RAB3C: variants seen among roughly 807,000 people sequenced by gnomAD.
RAB3C encodes RAB3C, member RAS oncogene family.
RAB3C carries 17 observed loss-of-function variants against 26.4 expected under a neutral mutation model. That is an observed-to-expected ratio of 0.64 (90% CI 0.44 to 0.97). The LOEUF is 0.97. RAB3C is among the 50% of genes least tolerant of loss of function. RAB3C has a pLI of 0.00. For synonymous variants in RAB3C, 91 were observed against 95.9 expected, an observed-to-expected ratio of 0.95 and a Z score of 0.30; for missense variants, 242 against 281.9, an observed-to-expected ratio of 0.86 and a Z score of 1.01.
intron 1 of RAB3C, among the ~76,000 whole-genome samples, chr5:58,597,031 T>C (rs1193041918): frequency 1.2e-5 from 1 of 81,620 alleles, no homozygotes; most frequent in Non-Finnish European, 2.2e-5. Flanking sequence ...ATATAATACA[T>C]AATATATATT....
At chr5:58,810,959 T>C (rs1220119442) in intron 3 of RAB3C, among the ~76,000 whole-genome samples, 1 of 152,190 alleles carries the variant, frequency 6.6e-6, no homozygotes, top group Non-Finnish European at 1.5e-5. Context: ...GGCACAACCA[T>C]GGCCTTGTCA....
intron 2 of RAB3C, among the ~76,000 whole-genome samples, chr5:58,670,270 A>G (rs145793834): frequency 7.2e-5 from 11 of 152,168 alleles, no homozygotes; most frequent in Admixed American, 4.6e-4. Flanking sequence ...CTTCTATTCT[A>G]TGCCTACATA....
At chr5:58,822,636 C>A in intron 3 of RAB3C, 1 of 329,406 alleles carries the variant, frequency 3.0e-6, no homozygotes, top group Non-Finnish European at 5.9e-6. Context: ...ATAAATACAA[C>A]ACACTCAAAT....
chr5:58,784,841 A>C (rs441311), intron 3 of RAB3C: 119,277 of 152,190 alleles, frequency 0.78, 46,898 homozygotes, highest in African/African-American at 0.83. Context: ...CAGACCTCAG[A>C]TCTAAAGGAA....
intron 2 of RAB3C, among the ~76,000 whole-genome samples, chr5:58,648,499 A>G (rs2111781350): frequency 6.6e-6 from 1 of 152,344 alleles, no homozygotes; most frequent in East Asian, 1.9e-4. Context: ...GTAAAGGGAA[A>G]TCATGCTTCA....
chr5:58,728,241 G>A (rs1280285683), intron 3 of RAB3C, among the ~76,000 whole-genome samples: 1 of 151,948 alleles, frequency 6.6e-6, no homozygotes, highest in Non-Finnish European at 1.5e-5. Flanking sequence ...CAGACATAGC[G>A]TTTAGTACCT....
chr5:58,666,365 A>G (rs159007), intron 2 of RAB3C, among the ~76,000 whole-genome samples: 80,290 of 152,020 alleles, frequency 0.53, 21,409 homozygotes, highest in East Asian at 0.57. Flanking sequence ...GTATGAGTGG[A>G]TAGCTTGAAG....
rs527745721 is a variant in RAB3C at position 58,736,759 on chromosome 5, G to A, written c.371+10639G>A. The stretch of plus-strand genomic sequence containing the variant: ...AAAGACTATTTCCAAATAAGGTCAC[G>A]TTCACCGGTCCTGGGGTTATAACGT... On this transcript the variant is annotated intron_variant, in intron 3 of 4. Coordinates refer to ENST00000282878, the MANE Select transcript of RAB3C (RefSeq NM_138453.4). 5.9e-5 allele frequency among the ~76,000 whole-genome samples: 9 copies of A among 152,202 alleles called. No homozygotes were observed. In the East Asian group the frequency reaches 7.7e-4, roughly 13 times the overall value.
At chr5:58,638,957 T>G (rs1480182897) in intron 2 of RAB3C, among the ~76,000 whole-genome samples, 1 of 152,146 alleles carries the variant, frequency 6.6e-6, no homozygotes, top group African/African-American at 2.4e-5. Flanking sequence ...ATGCCTGCCT[T>G]ACTGCATTTG....
intron 3 of RAB3C, among the ~76,000 whole-genome samples, chr5:58,744,184 G>T (rs1244141229): frequency 3.9e-5 from 6 of 152,200 alleles, no homozygotes; most frequent in African/African-American, 9.6e-5. Context: ...TGAGGCAGGG[G>T]TTTGTTGTAG....
At chr5:58,693,819 G>GC (rs968666870) in intron 2 of RAB3C, among the ~76,000 whole-genome samples, 6 of 152,136 alleles carry the variant, frequency 3.9e-5, no homozygotes, top group Non-Finnish European at 5.9e-5. Context: ...TGCAGGGAGA[G>GC]CCCCTCTGAA....
intron 1 of RAB3C, among the ~76,000 whole-genome samples, chr5:58,603,553 T>C (rs993644697): frequency 6.6e-6 from 1 of 152,322 alleles, no homozygotes; most frequent in Non-Finnish European, 1.5e-5. Flanking sequence ...TTCAAAGACC[T>C]TGTCTTCAAG....
chr5:58,675,884 G>A (rs1748215015), intron 2 of RAB3C, among the ~76,000 whole-genome samples: 1 of 151,966 alleles, frequency 6.6e-6, no homozygotes, highest in African/African-American at 2.4e-5. Context: ...CTCCTGGGTG[G>A]GTTCCTTTCC....
chr5:58,764,061 G>C (rs1053347462), intron 3 of RAB3C, among the ~76,000 whole-genome samples: 8 of 152,090 alleles, frequency 5.3e-5, no homozygotes, highest in Admixed American at 5.2e-4. Flanking sequence ...CATTCAGGTA[G>C]CATAAAACAA....
intron 2 of RAB3C, among the ~76,000 whole-genome samples, chr5:58,692,871 G>A (rs1474700431): frequency 4.6e-5 from 7 of 152,048 alleles, no homozygotes; most frequent in African/African-American, 1.2e-4. Context: ...ACTTTGGGAG[G>A]CCGAGGTGGG....
At chr5:58,674,860 A>T (rs531816918) in intron 2 of RAB3C, among the ~76,000 whole-genome samples, 149 of 147,888 alleles carry the variant, frequency 1.0e-3, no homozygotes, top group East Asian at 9.3e-3. Flanking sequence ...AACATACATA[A>T]AAAAAAAAAA....
intron 2 of RAB3C, among the ~76,000 whole-genome samples, chr5:58,669,584 TGTGCACTAGTGCAGCTGA>T (rs1409421597): frequency 4.6e-5 from 7 of 152,206 alleles, no homozygotes; most frequent in Non-Finnish European, 1.0e-4. Context: ...GTAGTTTAGG[TGTGCACTAGTGCAGCTGA>T]GATCACATGC....
chr5:58,652,239 A>G (rs1747668747), intron 2 of RAB3C, among the ~76,000 whole-genome samples: 1 of 151,780 alleles, frequency 6.6e-6, no homozygotes, highest in African/African-American at 2.4e-5. Flanking sequence ...GAATTGTCCC[A>G]TAAAGTATAG....
At chr5:58,634,869 G>T (rs942967961) in intron 2 of RAB3C, among the ~76,000 whole-genome samples, 4 of 152,180 alleles carry the variant, frequency 2.6e-5, no homozygotes, top group African/African-American at 9.6e-5. Context: ...ATTGGAGGTT[G>T]CTGATCCTCT....
Sources: allele counts gnomAD v4.1 joint callset (sites outside exome capture counted in the v4.1 genomes callset), GRCh38; gene constraint gnomAD v4.1.1; transcripts MANE v1.5; gene names NCBI Gene and HGNC (gene_info 2026-07-23, HGNC 2026-07-21).